PHF21B: variants seen among roughly 807,000 people sequenced by gnomAD.
The protein encoded by PHF21B is PHD finger protein 21B.
A neutral mutation model predicts 62.2 loss-of-function variants in PHF21B; 22 were observed. That is an observed-to-expected ratio of 0.35 (90% CI 0.25 to 0.51). The LOEUF is 0.51. Ranked by LOEUF, PHF21B falls within the 20% of genes least tolerant of loss-of-function variation. PHF21B has a pLI of 0.97. For missense variants in PHF21B, 701 were observed against 707.9 expected (o/e 0.99, Z 0.11); for synonymous variants, 341 against 314.7 (o/e 1.08, Z -0.88).
Position 44,896,041 on chromosome 22 carries a change from G to A in PHF21B, c.874C>T (p.His292Tyr), listed in dbSNP as rs201724610. The A allele has an allele frequency of 3.7e-6, 6 of 1,614,148 alleles. No individual in the cohort carries two copies. In the South Asian group the frequency reaches 4.4e-5, roughly 12 times the overall value. ...MVALGLVTTE[H>Y]LEEIQSKRQE... ...CTGGATCCTTCCTTACCTTCCAAAT[G>A]TTCCGTGGTAACCAGGCCTAGCGCT... The change falls in exon 6 of 13, where the codon CAT (histidine) becomes TAT (tyrosine). Residue 292 changes from histidine to tyrosine, a missense_variant. Coordinates refer to ENST00000313237, the MANE Select transcript of PHF21B (RefSeq NM_138415.5).
chr22:44,996,975 A>T (rs2073134032), intron 2 of PHF21B, among the ~76,000 whole-genome samples: 1 of 152,066 alleles, frequency 6.6e-6, no homozygotes, highest in Admixed American at 6.6e-5. Context: ...TCACCAGAGC[A>T]CCTGCCACCT....
chr22:44,976,903 C>G (rs2072747286), intron 2 of PHF21B, among the ~76,000 whole-genome samples: 1 of 152,136 alleles, frequency 6.6e-6, no homozygotes, highest in Admixed American at 6.5e-5. Context: ...TTTAGGAGGC[C>G]CAGGTGTGAG....
chr22:44,974,385 G>C (rs1380775840), intron 2 of PHF21B, among the ~76,000 whole-genome samples: 3 of 150,718 alleles, frequency 2.0e-5, no homozygotes, highest in Non-Finnish European at 4.4e-5. Context: ...CTGCACTCCA[G>C]CCTGGGCGAC....
chr22:45,005,061 A>ACTCCGAAGAGGGGAC (rs1457739153), intron 2 of PHF21B, among the ~76,000 whole-genome samples: 2 of 152,204 alleles, frequency 1.3e-5, no homozygotes, highest in Non-Finnish European at 2.9e-5. Flanking sequence ...TGTGCTCGGA[A>ACTCCGAAGAGGGGAC]CTCCGAAGAG....
At chr22:44,955,175 A>C (rs967275335) in intron 2 of PHF21B, among the ~76,000 whole-genome samples, 16 of 152,178 alleles carry the variant, frequency 1.1e-4, no homozygotes, top group South Asian at 2.1e-4. Context: ...CTCCACAGCA[A>C]CACCACCAGC....
At chr22:44,949,760 C>T (rs751703371) in intron 2 of PHF21B, among the ~76,000 whole-genome samples, 7 of 152,164 alleles carry the variant, frequency 4.6e-5, no homozygotes, top group African/African-American at 7.2e-5. Context: ...CACAGAGCCG[C>T]GAGAACAGAC....
Position 45,009,161 on chromosome 22 carries a change from C to T in PHF21B, c.54+335G>A. On this transcript the variant is annotated intron_variant, in intron 1 of 12. Coordinates refer to ENST00000313237, the MANE Select transcript of PHF21B (RefSeq NM_138415.5). The surrounding 1 kb of genome is among the most constrained non-coding windows in gnomAD (Gnocchi z 5.9). ...GCCCGAGGGGAGGCCGGAAGGGGGCCTATTCGCACTCCCCTCCCCGGGACC... is the reference window on the plus strand; with the variant it reads ...GCCCGAGGGGAGGCCGGAAGGGGGCTTATTCGCACTCCCCTCCCCGGGACC... 2.1e-6 allele frequency: 1 copy of T among 472,322 alleles called. No homozygotes were observed. Among genetic ancestry groups the T allele is most frequent in the Non-Finnish European group, 3.2e-6 (1 of 310,064 alleles). The allele number at this position is 472,322 out of a possible 1,614,324, so 29.3% of individuals were successfully genotyped here.
chr22:44,955,758 C>G (rs1415925530), intron 2 of PHF21B, among the ~76,000 whole-genome samples: 2 of 152,214 alleles, frequency 1.3e-5, no homozygotes, highest in African/African-American at 4.8e-5. Flanking sequence ...CACGGGACTT[C>G]TCAGCCTCCA....
At chr22:44,883,976 CATT>C (rs111731961) in intron 12 of PHF21B, among the ~76,000 whole-genome samples, 2 of 111,656 alleles carry the variant, frequency 1.8e-5, no homozygotes, top group Non-Finnish European at 3.3e-5. Context: ...TTACTGTGAT[CATT>C]ACCACCATCA....
intron 2 of PHF21B, among the ~76,000 whole-genome samples, chr22:44,964,179 CAG>C (rs781270442): frequency 9.2e-5 from 14 of 152,202 alleles, no homozygotes; most frequent in Non-Finnish European, 1.2e-4. Context: ...GTGACAAACA[CAG>C]AGGATTCAAT....
chr22:44,956,658 C>T (rs920881741), intron 2 of PHF21B, among the ~76,000 whole-genome samples: 1 of 152,106 alleles, frequency 6.6e-6, no homozygotes, highest in Non-Finnish European at 1.5e-5. Flanking sequence ...CCACAAGCGA[C>T]CCCAGGAGGT....
At chr22:44,884,044 C>CCAT (rs142141866) in intron 12 of PHF21B, among the ~76,000 whole-genome samples, 17,627 of 38,228 alleles carry the variant, frequency 0.46, 3,035 homozygotes, top group East Asian at 0.55. Flanking sequence ...GTGATCAGCA[C>CCAT]CACCACCACC....
chr22:44,962,405 G>A (rs1225479477), intron 2 of PHF21B, among the ~76,000 whole-genome samples: 1 of 152,208 alleles, frequency 6.6e-6, no homozygotes, highest in Admixed American at 6.5e-5. Context: ...GCCTAGCCCA[G>A]CCTAACTTAG....
intron 4 of PHF21B, among the ~76,000 whole-genome samples, chr22:44,914,682 G>C (rs993634340): frequency 6.6e-6 from 1 of 152,098 alleles, no homozygotes; most frequent in African/African-American, 2.4e-5. Flanking sequence ...TTTTTTCACT[G>C]CCATGAGGCC....
intron 2 of PHF21B, among the ~76,000 whole-genome samples, chr22:44,929,315 T>G (rs1415764751): frequency 6.6e-6 from 1 of 152,210 alleles, no homozygotes; most frequent in Non-Finnish European, 1.5e-5. Flanking sequence ...TGCATGAGAA[T>G]GTGCTTAGGC....
chr22:44,888,054 G>A lies in PHF21B; in HGVS notation c.1106C>T (p.Thr369Ile), dbSNP rs2070891947. Residue 369 changes from threonine to isoleucine, a missense_variant, in exon 10 of 13, where the codon ACC becomes ATC. Physicochemically the swap from Thr to Ile is moderately conservative, Grantham distance 89. Coordinates refer to ENST00000313237, the MANE Select transcript of PHF21B (RefSeq NM_138415.5). Reference protein sequence around the residue: ...KRGANLQPCGTCPGAYHLSCL... With the variant: ...KRGANLQPCGICPGAYHLSCL... ...GCTGAGGTGGTAGGCCCCCGGGCAG[G>A]TGCCGCAGGGCTGCAGGTTGGCCCC... The A allele has an allele frequency of 6.4e-7, 1 of 1,552,112 alleles. No homozygotes were observed. Among genetic ancestry groups the A allele is most frequent in the Admixed American group, 2.0e-5 (1 of 51,128 alleles).
chr22:44,919,793 G>A (rs551522192), intron 3 of PHF21B, among the ~76,000 whole-genome samples: 3 of 152,302 alleles, frequency 2.0e-5, no homozygotes, highest in African/African-American at 7.2e-5. Flanking sequence ...AATACTCACA[G>A]CCACCATTGG....
chr22:44,905,420 AT>A (rs2071230789), intron 5 of PHF21B, among the ~76,000 whole-genome samples: 1 of 152,076 alleles, frequency 6.6e-6, no homozygotes. Context: ...GTGCTTCGTT[AT>A]TCCTTATTTC....
At chr22:44,996,707 T>C (rs2073128467) in intron 2 of PHF21B, among the ~76,000 whole-genome samples, 1 of 151,572 alleles carries the variant, frequency 6.6e-6, no homozygotes, top group Non-Finnish European at 1.5e-5. Context: ...CATATACACA[T>C]GCAGACATAT....
Sources: gnomAD v4.1 joint callset for allele counts (sites outside exome capture counted in the v4.1 genomes callset) on GRCh38, gnomAD v4.1.1 for gene constraint, Gnocchi (gnomAD v3.1) non-coding constraint, MANE v1.5 for transcripts, NCBI Gene and HGNC (gene_info 2026-07-23, HGNC 2026-07-21) for gene names.